Variants in UGT8 observed in about 807,000 individuals in gnomAD.
The protein encoded by UGT8 is 2-hydroxyacylsphingosine 1-beta-galactosyltransferase.
UGT8 carries 12 observed loss-of-function variants against 40.5 expected under a neutral mutation model. The observed-to-expected ratio is 0.30, with a 90% CI of 0.19 to 0.48. UGT8 has a LOEUF of 0.48. UGT8 is among the 20% of genes least tolerant of loss of function. UGT8 has a pLI of 0.99. For missense variants in UGT8, 513 were observed against 648.7 expected, an observed-to-expected ratio of 0.79 and a Z score of 2.27; for synonymous variants, 224 against 240.4, an observed-to-expected ratio of 0.93 and a Z score of 0.63.
In UGT8 at chr4:114,640,273, G is replaced by A. The variant is rs553579822; in HGVS notation, c.822+16571G>A. Reference sequence around the variant, plus strand: ...TCTCGATCTCCTGACCTTGTGATCCGCCCGCCTCGGCCTCCCAAAGTGCTG... The same window carrying A: ...TCTCGATCTCCTGACCTTGTGATCCACCCGCCTCGGCCTCCCAAAGTGCTG... On this transcript the variant is annotated intron_variant, in intron 2 of 5. Transcript: ENST00000310836. 5.9e-3 allele frequency among the ~76,000 whole-genome samples: 882 copies of A among 150,274 alleles called. 3 individuals carry two copies. Among genetic ancestry groups the A allele is most frequent in the African/African-American group, 0.02 (832 of 40,690 alleles).
chr4:114,620,797 A>G (rs1230783298), intron 1 of UGT8, among the ~76,000 whole-genome samples: 1 of 152,138 alleles, frequency 6.6e-6, no homozygotes, highest in African/African-American at 2.4e-5. Context: ...ATTTCTTTAC[A>G]TTGCTTGTAG....
intron 2 of UGT8, among the ~76,000 whole-genome samples, chr4:114,641,130 A>G (rs1733198619): frequency 6.6e-6 from 1 of 152,252 alleles, no homozygotes; most frequent in Non-Finnish European, 1.5e-5. Flanking sequence ...AGAAAAGCTA[A>G]AGCTAAAGCC....
chr4:114,618,246 C>T (rs1281476566), intron 1 of UGT8, among the ~76,000 whole-genome samples: 1 of 152,134 alleles, frequency 6.6e-6, no homozygotes, highest in Non-Finnish European at 1.5e-5. Context: ...ATGCAATGGA[C>T]ATTTTTCTAC....
chr4:114,671,786 A>G (rs1735300444), intron 5 of UGT8, among the ~76,000 whole-genome samples: 1 of 152,266 alleles, frequency 6.6e-6, no homozygotes, highest in Admixed American at 6.5e-5. Flanking sequence ...CATGACTAAA[A>G]CACCAAAAGC....
chr4:114,600,631 C>T (rs1730388724), intron 1 of UGT8, among the ~76,000 whole-genome samples: 1 of 152,058 alleles, frequency 6.6e-6, no homozygotes, highest in Non-Finnish European at 1.5e-5. Context: ...AGCCCAGTAC[C>T]CAATGGTTAT....
At chr4:114,656,992 G>A (rs929766616) in intron 2 of UGT8, 3 of 315,270 alleles carry the variant, frequency 9.5e-6, no homozygotes, top group African/African-American at 4.7e-5. Context: ...TTATCAAATA[G>A]TGACCCAGAA....
chr4:114,623,502 A>T lies in UGT8; in HGVS notation c.622A>T (p.Ser208Cys). 6.2e-7 allele frequency: 1 copy of T among 1,614,186 alleles called. No homozygotes were observed. Among genetic ancestry groups the T allele is most frequent in the Non-Finnish European group, 8.5e-7 (1 of 1,180,030 alleles). The change falls in exon 2 of 6, where the codon AGC (serine) becomes TGC (cysteine). Residue 208 changes from serine to cysteine, a missense_variant. Physicochemically the swap from Ser to Cys is moderately radical, Grantham distance 112. Coordinates refer to ENST00000310836, the MANE Select transcript of UGT8 (RefSeq NM_001128174.3). ...GVYLISRLGV[S>C]FLVLPKYERI... ...TTACCTCATTTCCAGATTAGGGGTC[A>T]GCTTTCTGGTTCTTCCCAAATATGA...
chr4:114,662,008 A>G (rs148524377), intron 2 of UGT8, among the ~76,000 whole-genome samples: 326 of 152,316 alleles, frequency 2.1e-3, no homozygotes, highest in African/African-American at 7.6e-3. Context: ...CAATCTACGG[A>G]TAACATTTAA....
At chr4:114,624,856 C>T (rs1005185650) in intron 2 of UGT8, among the ~76,000 whole-genome samples, 20 of 152,042 alleles carry the variant, frequency 1.3e-4, no homozygotes, top group African/African-American at 4.3e-4. Context: ...TATACAGCCA[C>T]TGGAGGCCAT....
chr4:114,612,064 C>T (rs1319636268), intron 1 of UGT8, among the ~76,000 whole-genome samples: 2 of 152,126 alleles, frequency 1.3e-5, no homozygotes, highest in Non-Finnish European at 2.9e-5. Flanking sequence ...TTCTGATCAT[C>T]TTAAGGACAA....
At position 114,676,240 on chromosome 4, in the gene UGT8, C is replaced by A. The variant is rs776973100; in HGVS notation, c.1578C>A (p.Gly526=). The stretch of plus-strand genomic sequence containing the variant: ...ATTACCACAATGGAATCCTCAATGG[C>A]AAGTACAAAAGAAATGGCCATATTA... ...NGHYHNGILN[G]KYKRNGHIKH... The change falls in exon 6 of 6, where the codon GGC becomes GGA. Residue 526 remains glycine, a synonymous_variant. Transcript: ENST00000310836. 6.2e-7 allele frequency: 1 copy of A among 1,610,192 alleles called. No individual in the cohort carries two copies.
At chr4:114,602,190 C>G (rs942314540) in intron 1 of UGT8, among the ~76,000 whole-genome samples, 23 of 151,940 alleles carry the variant, frequency 1.5e-4, no homozygotes, top group African/African-American at 2.7e-4. Flanking sequence ...ACTGAAGCAG[C>G]CTTTAAAAAA....
At chr4:114,674,884 A>G (rs1432253570) in intron 5 of UGT8, among the ~76,000 whole-genome samples, 2 of 152,168 alleles carry the variant, frequency 1.3e-5, no homozygotes, top group Non-Finnish European at 2.9e-5. Context: ...TGCAAGGGGG[A>G]TTTAGCCATT....
chr4:114,600,911 A>G (rs1578393332), intron 1 of UGT8, among the ~76,000 whole-genome samples: 1 of 152,170 alleles, frequency 6.6e-6, no homozygotes, highest in South Asian at 2.1e-4. Context: ...CCTGCCACCT[A>G]CAAGGTTAAG....
chr4:114,630,753 A>G (rs1560682601), intron 2 of UGT8, among the ~76,000 whole-genome samples: 1 of 152,280 alleles, frequency 6.6e-6, no homozygotes, highest in East Asian at 1.9e-4. Flanking sequence ...ATGAACAGAA[A>G]TTGATAGATA....
chr4:114,670,631 C>T (rs2126137790), intron 5 of UGT8, among the ~76,000 whole-genome samples: 1 of 152,066 alleles, frequency 6.6e-6, no homozygotes, highest in Non-Finnish European at 1.5e-5. Context: ...ATGTAAAAAA[C>T]TCTTAATAAA....
intron 2 of UGT8, among the ~76,000 whole-genome samples, chr4:114,648,319 T>C (rs934850393): frequency 1.3e-5 from 2 of 151,386 alleles, no homozygotes; most frequent in Non-Finnish European, 2.9e-5. Flanking sequence ...AGCATGAGCA[T>C]GTATGTTCAG....
At chr4:114,615,819 G>GA (rs1304528746) in intron 1 of UGT8, among the ~76,000 whole-genome samples, 2 of 152,192 alleles carry the variant, frequency 1.3e-5, no homozygotes, top group Non-Finnish European at 1.5e-5. Flanking sequence ...GAGAGGTAGA[G>GA]AAAAATTGTC....
At chr4:114,653,934 C>T (rs1734027793) in intron 2 of UGT8, among the ~76,000 whole-genome samples, 1 of 151,954 alleles carries the variant, frequency 6.6e-6, no homozygotes, top group South Asian at 2.1e-4. Context: ...AGGTGACCAG[C>T]AAAAGTTTGT....
Sources: gnomAD v4.1 joint callset for allele counts (sites outside exome capture counted in the v4.1 genomes callset) on GRCh38, gnomAD v4.1.1 for gene constraint, MANE v1.5 for transcripts, NCBI Gene and HGNC (gene_info 2026-07-23, HGNC 2026-07-21) for gene names.